The following MUSK variants were observed in gnomAD, a reference collection of about 807,000 sequenced individuals.
The protein encoded by MUSK is muscle associated receptor tyrosine kinase, also known as muscle, skeletal receptor tyrosine-protein kinase.
MUSK carries 55 observed loss-of-function variants against 88.7 expected under a neutral mutation model. The ratio of observed to expected loss-of-function variants is 0.62; its 90% CI spans 0.50 to 0.78. The LOEUF (loss-of-function observed/expected upper bound fraction) is 0.78, where lower values mean the gene tolerates loss of function less well. Ranked by LOEUF, MUSK falls within the 30% of genes least tolerant of loss-of-function variation. The probability of loss-of-function intolerance (pLI) is 0.00; values close to 1 mark genes in which losing one functional copy is unlikely to be tolerated. For synonymous variants in MUSK, 387 were observed against 391.9 expected (o/e 0.99, Z 0.15); for missense variants, 1,015 against 1,074.3 (o/e 0.94, Z 0.77).
At chr9:110,714,635 A>G (rs574424854) in intron 5 of MUSK, among the ~76,000 whole-genome samples, 1 of 152,212 alleles carries the variant, frequency 6.6e-6, no homozygotes, top group Non-Finnish European at 1.5e-5. Flanking sequence ...GAAACCAGGT[A>G]TTTATTTAGG....
At chr9:110,707,663 G>T (rs1205718448) in intron 5 of MUSK, among the ~76,000 whole-genome samples, 2 of 152,200 alleles carry the variant, frequency 1.3e-5, no homozygotes, top group Non-Finnish European at 1.5e-5. Context: ...GCAATTGCTG[G>T]TGGGAAGAGG....
rs568263048 is a variant in MUSK, at chr9:110,728,959, G to T, written c.629-5292G>T. ...TGAGTTAAAAGTAATGTTTAAATTT[G>T]GTGTCTCTGGAAATACAAACAAAAT... On this transcript the variant is annotated intron_variant, in intron 5 of 14. Coordinates refer to ENST00000374448, the MANE Select transcript of MUSK (RefSeq NM_005592.4). Among the ~76,000 whole-genome samples the T allele has an allele frequency of 8.6e-5, 13 of 151,848 alleles. No homozygotes were observed. In the East Asian group the frequency reaches 2.3e-3, roughly 27 times the overall value.
Position 110,718,925 on chromosome 9 carries a change from A to G in MUSK, c.629-15326A>G, listed in dbSNP as rs530938228. ...ACAAGCTAGAAGAAATTGGGGTCCT[A>G]TTTTTAGCCTCCTAAAACAAAGCAA... On this transcript the variant is annotated intron_variant, in intron 5 of 14. Coordinates refer to ENST00000374448, the MANE Select transcript of MUSK (RefSeq NM_005592.4). Among the ~76,000 whole-genome samples the G allele has an allele frequency of 4.5e-4, 69 of 152,226 alleles. 3 individuals carry two copies. In the South Asian group the frequency reaches 0.012, roughly 27 times the overall value.
At chr9:110,705,130 A>C (rs1016350273) in intron 5 of MUSK, among the ~76,000 whole-genome samples, 10 of 152,166 alleles carry the variant, frequency 6.6e-5, no homozygotes, top group South Asian at 2.1e-4. Context: ...TGGAAAAAAA[A>C]CACTTCTTCC....
chr9:110,776,122 C>A (rs973713882), intron 10 of MUSK, among the ~76,000 whole-genome samples, 159 bp downstream of exon 10: 3 of 151,930 alleles, frequency 2.0e-5, no homozygotes, highest in African/African-American at 7.3e-5. Context: ...AATCCTAATG[C>A]TATCCTAATT....
At chr9:110,769,173 A>G (rs538864428) in intron 9 of MUSK, among the ~76,000 whole-genome samples, 4 of 152,324 alleles carry the variant, frequency 2.6e-5, no homozygotes, top group South Asian at 2.1e-4. Flanking sequence ...AGGAAACCCC[A>G]TGACAACAAC....
At chr9:110,716,825 T>A (rs1044153742) in intron 5 of MUSK, among the ~76,000 whole-genome samples, 1 of 150,286 alleles carries the variant, frequency 6.7e-6, no homozygotes, top group Admixed American at 6.6e-5. Flanking sequence ...ACATTAATTA[T>A]TGTTGTAATT....
chr9:110,763,250 C>A (rs1284796905), intron 8 of MUSK, among the ~76,000 whole-genome samples: 2 of 151,842 alleles, frequency 1.3e-5, no homozygotes, highest in African/African-American at 4.8e-5. Flanking sequence ...AGTGATTTGT[C>A]ATAATTGACT....
chr9:110,693,180 A>G (rs900885293), intron 3 of MUSK, among the ~76,000 whole-genome samples: 9 of 152,182 alleles, frequency 5.9e-5, no homozygotes, highest in African/African-American at 2.2e-4. Context: ...TTACTTTGTG[A>G]CACTACCTTT....
intron 3 of MUSK, among the ~76,000 whole-genome samples, chr9:110,690,761 T>G (rs1237698471): frequency 1.0e-4 from 6 of 59,918 alleles, no homozygotes; most frequent in Non-Finnish European, 1.4e-4. Context: ...AGTATATATA[T>G]AAATATATAT....
At chr9:110,719,545 C>T (rs1482940219) in intron 5 of MUSK, among the ~76,000 whole-genome samples, 1 of 151,918 alleles carries the variant, frequency 6.6e-6, no homozygotes, top group African/African-American at 2.4e-5. Context: ...ATATCACAAT[C>T]CTAAATATAT....
chr9:110,762,607 G>A (rs1360625374), intron 8 of MUSK, among the ~76,000 whole-genome samples: 2 of 152,066 alleles, frequency 1.3e-5, no homozygotes, highest in Non-Finnish European at 2.9e-5. Context: ...TCTTTGAACT[G>A]GAGAGTTCAA....
At chr9:110,712,353 T>C (rs926673070) in intron 5 of MUSK, among the ~76,000 whole-genome samples, 1 of 150,626 alleles carries the variant, frequency 6.6e-6, no homozygotes, top group Admixed American at 6.6e-5. Context: ...CATCCAGAGG[T>C]TTTCTCCCTG....
chr9:110,762,697 T>C (rs1194279708), intron 8 of MUSK, among the ~76,000 whole-genome samples: 1 of 152,186 alleles, frequency 6.6e-6, no homozygotes, highest in Non-Finnish European at 1.5e-5. Flanking sequence ...CTCTAACCTA[T>C]ATATAAGAAG....
chr9:110,684,405 G>T (rs888860637), intron 2 of MUSK, among the ~76,000 whole-genome samples: 1 of 152,046 alleles, frequency 6.6e-6, no homozygotes, highest in Admixed American at 6.6e-5. Flanking sequence ...AGTATGATTT[G>T]AAGTAAGGCA....
intron 7 of MUSK, among the ~76,000 whole-genome samples, chr9:110,759,518 T>C (rs2077370485): frequency 6.6e-6 from 1 of 152,038 alleles, no homozygotes; most frequent in Non-Finnish European, 1.5e-5. Flanking sequence ...AAAGAAACTA[T>C]CAACAGAGTA....
chr9:110,679,535 T>TA (rs2076080220), intron 1 of MUSK, among the ~76,000 whole-genome samples: 1 of 152,088 alleles, frequency 6.6e-6, no homozygotes, highest in Non-Finnish European at 1.5e-5. Flanking sequence ...CATTGGCACT[T>TA]ACTGTGATTT....
intron 13 of MUSK, among the ~76,000 whole-genome samples, chr9:110,785,986 A>C (rs960998654): frequency 1.2e-4 from 18 of 149,310 alleles, no homozygotes; most frequent in African/African-American, 3.9e-4. Flanking sequence ...TTATATGGTA[A>C]TAATATACTA....
At chr9:110,769,049 C>G (rs1489102420) in intron 9 of MUSK, among the ~76,000 whole-genome samples, 3 of 152,032 alleles carry the variant, frequency 2.0e-5, no homozygotes, top group African/African-American at 7.2e-5. Context: ...GTGGTCTTGG[C>G]TAAACTTCAG....
Sources: allele counts gnomAD v4.1 joint callset (sites outside exome capture counted in the v4.1 genomes callset), GRCh38; gene constraint gnomAD v4.1.1; transcripts MANE v1.5; gene names NCBI Gene and HGNC (gene_info 2026-07-23, HGNC 2026-07-21).